Variants in BCKDHB observed in about 807,000 individuals in gnomAD.
BCKDHB encodes 2-oxoisovalerate dehydrogenase subunit beta, mitochondrial.
A neutral mutation model predicts 48.5 loss-of-function variants in BCKDHB; 41 were observed. The observed-to-expected ratio is 0.85, with a 90% CI of 0.66 to 1.10. The LOEUF is 1.10. Ranked by LOEUF, BCKDHB falls within the 50% of genes least tolerant of loss-of-function variation. The pLI, the probability that BCKDHB is intolerant of heterozygous loss-of-function variation, is 0.00. For synonymous variants in BCKDHB, 201 were observed against 174.8 expected (o/e 1.15, Z -1.18); for missense variants, 496 against 494.2 (o/e 1.00, Z -0.03).
At chr6:80,274,362 T>G (rs561242450) in intron 9 of BCKDHB, among the ~76,000 whole-genome samples, 1 of 151,982 alleles carries the variant, frequency 6.6e-6, no homozygotes, top group Non-Finnish European at 1.5e-5. Context: ...ATTTATTGTT[T>G]TCCTAGTTAC....
intron 9 of BCKDHB, among the ~76,000 whole-genome samples, chr6:80,290,184 A>C (rs1179571): frequency 1.3e-5 from 2 of 152,118 alleles, no homozygotes; most frequent in Non-Finnish European, 2.9e-5. Flanking sequence ...TTTGGGAGTA[A>C]GTAGCCAAGA....
the BCKDHB span, among the ~76,000 whole-genome samples, chr6:80,426,302 T>G: frequency 6.6e-6 from 1 of 152,144 alleles, no homozygotes; most frequent in South Asian, 2.1e-4. Context: ...GGGACTTAGC[T>G]TCATTTATTT....
intron 9 of BCKDHB, among the ~76,000 whole-genome samples, chr6:80,302,695 A>C (rs762055870): frequency 2.0e-5 from 3 of 152,174 alleles, no homozygotes; most frequent in Admixed American, 6.5e-5. Flanking sequence ...TAAACACAAC[A>C]ACCAGTTATT....
chr6:80,289,438 A>T (rs143368713), intron 9 of BCKDHB, among the ~76,000 whole-genome samples: 2 of 152,298 alleles, frequency 1.3e-5, no homozygotes, highest in East Asian at 3.9e-4. Flanking sequence ...AGATGCAGCC[A>T]GGAAGTGCAG....
chr6:80,392,947 A>C, the BCKDHB span, among the ~76,000 whole-genome samples: 1,940 of 143,360 alleles, frequency 0.014, 40 homozygotes, highest in African/African-American at 0.048. Context: ...CAATTTCTTG[A>C]TTTTATAATT....
intron 6 of BCKDHB, among the ~76,000 whole-genome samples, chr6:80,186,463 A>G (rs920980087): frequency 3.3e-5 from 5 of 152,196 alleles, no homozygotes; most frequent in African/African-American, 9.7e-5. Flanking sequence ...GGGAGAGCGG[A>G]TAGATCTTGC....
intron 9 of BCKDHB, among the ~76,000 whole-genome samples, chr6:80,325,400 G>T (rs765094628): frequency 9.9e-5 from 15 of 152,118 alleles, no homozygotes; most frequent in Non-Finnish European, 1.6e-4. Flanking sequence ...TGCTAGGTAT[G>T]TCATTTAAGA....
At chr6:80,456,604 G>A in the BCKDHB span, among the ~76,000 whole-genome samples, 3 of 152,332 alleles carry the variant, frequency 2.0e-5, no homozygotes, top group East Asian at 5.8e-4. Flanking sequence ...AAGCATTTAA[G>A]TATGAAGATA....
Position 80,201,022 on chromosome 6 carries a change from G to C in BCKDHB, c.831G>C (p.Trp277Cys), listed in dbSNP as rs1174121102. Residue 277 changes from tryptophan to cysteine, a missense_variant, in exon 7 of 10, where the codon TGG becomes TGC. By Grantham distance (215) the Trp-to-Cys change is radical. Transcript: ENST00000320393. ...GGAGTGATGTTACTCTAGTTGCCTG[G>C]GGCACTCAGGTGAGTAGCATTGATC... is the stretch of plus-strand genomic sequence containing the variant. ...QEGSDVTLVAWGTQVHVIREV... is the reference protein window; with the variant it reads ...QEGSDVTLVACGTQVHVIREV... The C allele has an allele frequency of 1.2e-6, 2 of 1,607,718 alleles. No homozygotes were observed. Among genetic ancestry groups the C allele is most frequent in the Non-Finnish European group, 1.7e-6 (2 of 1,174,650 alleles).
chr6:80,446,743 T>TTG, the BCKDHB span, among the ~76,000 whole-genome samples: 9 of 143,568 alleles, frequency 6.3e-5, no homozygotes, highest in Non-Finnish European at 1.3e-4. Context: ...TTTTTTTTTT[T>TTG]GGTCAGGAGC....
the BCKDHB span, among the ~76,000 whole-genome samples, chr6:80,451,930 C>T: frequency 6.6e-6 from 1 of 152,122 alleles, no homozygotes; most frequent in Admixed American, 6.6e-5. Context: ...GTAAAATAAC[C>T]AATATCTGTG....
At chr6:80,449,196 A>C in the BCKDHB span, among the ~76,000 whole-genome samples, 61 of 152,212 alleles carry the variant, frequency 4.0e-4, 2 homozygotes, top group East Asian at 0.012. Flanking sequence ...TCTTTTTCCC[A>C]TGCTATGTGC....
chr6:80,198,233 CA>C (rs1246692504), intron 6 of BCKDHB, among the ~76,000 whole-genome samples: 1 of 151,996 alleles, frequency 6.6e-6, no homozygotes, highest in Non-Finnish European at 1.5e-5. Context: ...ATGCTGTTTA[CA>C]AAAAAATCAA....
chr6:80,195,423 G>T (rs1490641596), intron 6 of BCKDHB, among the ~76,000 whole-genome samples: 1 of 151,952 alleles, frequency 6.6e-6, no homozygotes, highest in East Asian at 1.9e-4. Flanking sequence ...AGTGAAAATT[G>T]TCAAAAAAAG....
intron 1 of BCKDHB, among the ~76,000 whole-genome samples, chr6:80,107,545 A>ATATATATATGCG (rs1562050688): frequency 1.6e-5 from 2 of 121,972 alleles, no homozygotes; most frequent in African/African-American, 7.4e-5. Flanking sequence ...ATATATATGC[A>ATATATATATGCG]CACATATATA....
the BCKDHB span, among the ~76,000 whole-genome samples, chr6:80,364,361 A>G: frequency 6.6e-5 from 10 of 152,186 alleles, no homozygotes; most frequent in East Asian, 5.8e-4. Context: ...AAATCATTCA[A>G]TCAGGCATTG....
intron 8 of BCKDHB, among the ~76,000 whole-genome samples, chr6:80,256,277 A>G (rs186949181): frequency 2.9e-4 from 44 of 152,288 alleles, no homozygotes; most frequent in Admixed American, 2.9e-3. Context: ...TGCAAATATT[A>G]CAGAGTGTAC....
intron 3 of BCKDHB, among the ~76,000 whole-genome samples, chr6:80,138,765 G>A (rs1209960810): frequency 2.6e-5 from 4 of 152,112 alleles, no homozygotes; most frequent in Non-Finnish European, 4.4e-5. Context: ...ATAAACATAC[G>A]TGTGCATGTG....
intron 9 of BCKDHB, among the ~76,000 whole-genome samples, chr6:80,343,010 C>A (rs1488742669): frequency 6.6e-6 from 1 of 152,176 alleles, no homozygotes; most frequent in Non-Finnish European, 1.5e-5. Context: ...CCTTCCTCAT[C>A]TGCCCTGTAG....
Sources: gnomAD v4.1 joint callset for allele counts (sites outside exome capture counted in the v4.1 genomes callset) on GRCh38, gnomAD v4.1.1 for gene constraint, MANE v1.5 for transcripts, NCBI Gene and HGNC (gene_info 2026-07-23, HGNC 2026-07-21) for gene names.